Variants in ZMAT4 observed in about 807,000 individuals in gnomAD.
ZMAT4 encodes zinc finger matrin-type 4, also known as zinc finger matrin-type protein 4.
Under a neutral mutation model 28.7 loss-of-function variants are expected in ZMAT4, and 17 were observed. The observed-to-expected ratio is 0.59, with a 90% confidence interval of 0.41 to 0.89. The LOEUF (loss-of-function observed/expected upper bound fraction) is 0.89, where lower values mean the gene tolerates loss of function less well. Ranked by LOEUF, ZMAT4 falls within the 40% of genes least tolerant of loss-of-function variation. The pLI is 0.00. For missense variants in ZMAT4, 240 were observed against 283.8 expected, an observed-to-expected ratio of 0.85 and a Z score of 1.11; for synonymous variants, 117 against 109.2, an observed-to-expected ratio of 1.07 and a Z score of -0.44.
intron 6 of ZMAT4, among the ~76,000 whole-genome samples, chr8:40,552,948 A>G (rs72636916): frequency 0.04 from 6,069 of 152,304 alleles, 148 homozygotes; most frequent in South Asian, 0.094. Context: ...ATTATTGGAA[A>G]GCTAAGCACG....
chr8:40,840,739 C>T (rs1038845408), intron 1 of ZMAT4, among the ~76,000 whole-genome samples: 3 of 152,192 alleles, frequency 2.0e-5, no homozygotes, highest in African/African-American at 7.2e-5. Context: ...AGGTTCAATA[C>T]TGCTTAATCA....
intron 1 of ZMAT4, among the ~76,000 whole-genome samples, chr8:40,885,882 T>C (rs1818434724): frequency 1.3e-5 from 2 of 152,222 alleles, no homozygotes; most frequent in South Asian, 4.1e-4. Flanking sequence ...TTGTGGGGCT[T>C]CACGTTTCTC....
chr8:40,772,255 G>A (rs1214994737), intron 2 of ZMAT4, among the ~76,000 whole-genome samples: 1 of 152,128 alleles, frequency 6.6e-6, no homozygotes, highest in Non-Finnish European at 1.5e-5. Context: ...CATTGTGCGG[G>A]GACAGACCTA....
chr8:40,872,942 A>G (rs1217778569), intron 1 of ZMAT4, among the ~76,000 whole-genome samples: 1 of 152,096 alleles, frequency 6.6e-6, no homozygotes, highest in African/African-American at 2.4e-5. Flanking sequence ...AGTCAGCTCA[A>G]CCCTCTGTGG....
intron 2 of ZMAT4, among the ~76,000 whole-genome samples, chr8:40,791,361 G>T (rs977951945): frequency 6.6e-6 from 1 of 152,290 alleles, no homozygotes; most frequent in African/African-American, 2.4e-5. Flanking sequence ...GGGAAATCCC[G>T]CTTCCAAAGC....
chr8:40,896,389 T>A (rs900410176), intron 1 of ZMAT4, among the ~76,000 whole-genome samples: 2 of 152,254 alleles, frequency 1.3e-5, no homozygotes, highest in Non-Finnish European at 1.5e-5. Flanking sequence ...ATCTAAACTC[T>A]TCAATGCCCC....
chr8:40,775,798 T>C (rs1454312417), intron 2 of ZMAT4, among the ~76,000 whole-genome samples: 1 of 152,190 alleles, frequency 6.6e-6, no homozygotes, highest in Non-Finnish European at 1.5e-5. Context: ...TGTGACTGTA[T>C]CTGGAAGCAG....
intron 2 of ZMAT4, chr8:40,808,712 G>GA: frequency 1.6e-5 from 4 of 249,848 alleles, no homozygotes; most frequent in South Asian, 3.8e-5. Context: ...CAGTGAAGAG[G>GA]AAGAAAAAAA....
chr8:40,714,910 G>A (rs372677383), intron 3 of ZMAT4, among the ~76,000 whole-genome samples: 165 of 151,970 alleles, frequency 1.1e-3, no homozygotes, highest in African/African-American at 3.6e-3. Context: ...TTAGCCAGGC[G>A]TGGTGGCACG....
chr8:40,546,279 C>G (rs1331006133), intron 6 of ZMAT4, among the ~76,000 whole-genome samples: 3 of 151,206 alleles, frequency 2.0e-5, no homozygotes, highest in Non-Finnish European at 4.4e-5. Context: ...TTTAAAGAAA[C>G]CACAGGGTGA....
intron 5 of ZMAT4, among the ~76,000 whole-genome samples, chr8:40,613,185 T>C (rs1430525994): frequency 7.4e-6 from 1 of 134,718 alleles, no homozygotes. Context: ...TCTTTCTTTT[T>C]TTTTTTTTTT....
chr8:40,838,366 A>T (rs1346825152), intron 1 of ZMAT4, among the ~76,000 whole-genome samples: 1 of 152,100 alleles, frequency 6.6e-6, no homozygotes, highest in Non-Finnish European at 1.5e-5. Flanking sequence ...TTCCTGAGAC[A>T]GGGTCTTGCT....
At chr8:40,852,462 T>C (rs1179019328) in intron 1 of ZMAT4, among the ~76,000 whole-genome samples, 1 of 152,212 alleles carries the variant, frequency 6.6e-6, no homozygotes, top group Non-Finnish European at 1.5e-5. Flanking sequence ...CTCTATTCAA[T>C]CTGTTGTGAT....
chr8:40,680,094 T>G (rs2150478204), intron 4 of ZMAT4, among the ~76,000 whole-genome samples: 1 of 152,324 alleles, frequency 6.6e-6, no homozygotes. Flanking sequence ...ACAGTCTCTC[T>G]CCTTCTTTTG....
At chr8:40,748,870 C>T (rs1319606112) in intron 3 of ZMAT4, among the ~76,000 whole-genome samples, 2 of 151,976 alleles carry the variant, frequency 1.3e-5, no homozygotes, top group African/African-American at 2.4e-5. Flanking sequence ...GGTTGTGTCC[C>T]CATCTAAATC....
chr8:40,532,308 C>T (rs1035171154), intron 6 of ZMAT4, 70 bp from the exon 7 acceptor site: 106 of 1,413,606 alleles, frequency 7.5e-5, no homozygotes, highest in Admixed American at 4.7e-4. Context: ...CTTTCTCCCC[C>T]CCACCCCCTG....
intron 5 of ZMAT4, among the ~76,000 whole-genome samples, chr8:40,653,329 T>C (rs915336241): frequency 6.6e-6 from 1 of 151,868 alleles, no homozygotes; most frequent in Non-Finnish European, 1.5e-5. Context: ...ATAACTAAAC[T>C]TCTATCTTAA....
intron 1 of ZMAT4, among the ~76,000 whole-genome samples, chr8:40,877,770 C>T (rs1244972090): frequency 1.3e-5 from 2 of 152,058 alleles, no homozygotes; most frequent in African/African-American, 4.8e-5. Context: ...TCTCCCAAGA[C>T]TTTCAGTGGG....
intron 2 of ZMAT4, among the ~76,000 whole-genome samples, chr8:40,798,177 G>C (rs1814675332): frequency 6.6e-6 from 1 of 152,180 alleles, no homozygotes; most frequent in South Asian, 2.1e-4. Context: ...ATCTAGGAAA[G>C]TCTTCAAAGA....
Sources: gnomAD v4.1 joint callset for allele counts (sites outside exome capture counted in the v4.1 genomes callset) on GRCh38, gnomAD v4.1.1 for gene constraint, MANE v1.5 for transcripts, NCBI Gene and HGNC (gene_info 2026-07-23, HGNC 2026-07-21) for gene names.